NTM: variants seen among roughly 807,000 people sequenced by gnomAD.
The protein encoded by NTM is neurotrimin, also known as IgLON family member 2.
NTM carries 13 observed loss-of-function variants against 42.1 expected under a neutral mutation model. The ratio of observed to expected loss-of-function variants is 0.31; its 90% CI spans 0.20 to 0.49. The LOEUF (loss-of-function observed/expected upper bound fraction) is 0.49. Among genes scored for constraint, NTM ranks in the 20% least tolerant of loss-of-function variants. NTM has a pLI of 0.99. For missense variants in NTM, 373 were observed against 452.8 expected, an observed-to-expected ratio of 0.82 and a Z score of 1.60; for synonymous variants, 187 against 179.2, an observed-to-expected ratio of 1.04 and a Z score of -0.35.
chr11:132,061,638 C>A (rs1432843234), intron 2 of NTM, among the ~76,000 whole-genome samples: 1 of 152,136 alleles, frequency 6.6e-6, no homozygotes, highest in Non-Finnish European at 1.5e-5. Context: ...AATTTACACG[C>A]CTAACTTAGG....
chr11:131,427,962 C>G (rs1376911345), intron 1 of NTM, among the ~76,000 whole-genome samples: 1 of 152,114 alleles, frequency 6.6e-6, no homozygotes, highest in East Asian at 1.9e-4. Context: ...TTTTACATGT[C>G]GACATACCAT....
At chr11:131,549,916 C>T (rs576936363) in intron 1 of NTM, among the ~76,000 whole-genome samples, 24 of 152,328 alleles carry the variant, frequency 1.6e-4, no homozygotes, top group Non-Finnish European at 2.8e-4. Flanking sequence ...CCCGTGCCCA[C>T]GTGTGCATAT....
chr11:131,751,464 C>A (rs1252140150), intron 1 of NTM, among the ~76,000 whole-genome samples: 1 of 151,968 alleles, frequency 6.6e-6, no homozygotes, highest in Non-Finnish European at 1.5e-5. Flanking sequence ...GTGGCGGGCA[C>A]CTGTAGTCCC....
intron 1 of NTM, among the ~76,000 whole-genome samples, chr11:131,681,622 C>T (rs1379995105): frequency 7.3e-5 from 1 of 13,764 alleles, no homozygotes; most frequent in Non-Finnish European, 2.6e-4. Context: ...CGTATGTCTC[C>T]CTGTGTGTGT....
At chr11:131,676,478 C>T (rs547438015) in intron 1 of NTM, among the ~76,000 whole-genome samples, 5 of 152,044 alleles carry the variant, frequency 3.3e-5, no homozygotes, top group African/African-American at 4.8e-5. Context: ...CATGCGTGTG[C>T]GGGGGTATGC....
chr11:131,802,827 A>G (rs1460514387), intron 1 of NTM, among the ~76,000 whole-genome samples: 1 of 152,230 alleles, frequency 6.6e-6, no homozygotes, highest in Non-Finnish European at 1.5e-5. Flanking sequence ...CCCACTTTAT[A>G]CAATTGCCTC....
chr11:132,287,545 A>T (rs1241556388), intron 4 of NTM, among the ~76,000 whole-genome samples: 2 of 152,150 alleles, frequency 1.3e-5, no homozygotes, highest in Non-Finnish European at 2.9e-5. Context: ...GTTTATATTT[A>T]AAAAATGCTT....
At chr11:132,057,905 C>T (rs191471191) in intron 2 of NTM, among the ~76,000 whole-genome samples, 126 of 152,282 alleles carry the variant, frequency 8.3e-4, no homozygotes, top group Non-Finnish European at 1.5e-3. Flanking sequence ...TGACCTAAGA[C>T]CATTGCCCAG....
chr11:132,203,540 C>A (rs1486918757), intron 3 of NTM, among the ~76,000 whole-genome samples: 1 of 152,104 alleles, frequency 6.6e-6, no homozygotes, highest in African/African-American at 2.4e-5. Flanking sequence ...CCTTAGGGAT[C>A]TTCATGTATA....
chr11:132,164,762 G>A (rs2137704079), intron 3 of NTM, among the ~76,000 whole-genome samples: 1 of 152,212 alleles, frequency 6.6e-6, no homozygotes, highest in Admixed American at 6.5e-5. Flanking sequence ...GCTGATCACG[G>A]GTACATCTCT....
intron 4 of NTM, among the ~76,000 whole-genome samples, chr11:132,213,068 A>G (rs533863696): frequency 1.3e-5 from 2 of 152,312 alleles, no homozygotes; most frequent in South Asian, 2.1e-4. Context: ...CTCTGAAAAG[A>G]AGATATTTGT....
chr11:131,882,934 C>T (rs777119764), intron 1 of NTM, among the ~76,000 whole-genome samples: 6 of 151,888 alleles, frequency 4.0e-5, no homozygotes, highest in South Asian at 2.1e-4. Flanking sequence ...AGGAAAATAA[C>T]GAATGAATGG....
intron 4 of NTM, among the ~76,000 whole-genome samples, chr11:132,293,328 G>C (rs759027442): frequency 1.3e-5 from 2 of 152,076 alleles, no homozygotes; most frequent in Non-Finnish European, 2.9e-5. Flanking sequence ...AAATATGTGC[G>C]GTATTTAAAA....
rs774146196 is a variant in NTM, at chr11:131,389,024, A to AAAAAAAGAAAAG, written c.82+18140_82+18141insAAGAAAAGAAAA. 1.4e-3 allele frequency among the ~76,000 whole-genome samples: 127 copies of AAAAAAAGAAAAG among 89,900 alleles called. 1 individual carries two copies. Among genetic ancestry groups the AAAAAAAGAAAAG allele is most frequent in the African/African-American group, 4.1e-3 (88 of 21,626 alleles). 59.0% of individuals were successfully genotyped at this position (89,900 alleles called of 152,430 possible). ...CAAGACTTCATCACAAAAAAAAAAA[A>AAAAAAAGAAAAG]AAAAGAAAAGAAAAGAAAAGAAAAG... On this transcript the variant is annotated intron_variant, in intron 1 of 8. Transcript: ENST00000683400.
intron 2 of NTM, among the ~76,000 whole-genome samples, chr11:131,966,061 A>G (rs1160784254): frequency 1.3e-5 from 2 of 152,146 alleles, no homozygotes; most frequent in Non-Finnish European, 2.9e-5. Context: ...GGGTGATGGT[A>G]GGATGAAGAA....
chr11:131,477,388 C>T (rs150942195), intron 1 of NTM, among the ~76,000 whole-genome samples: 11 of 151,782 alleles, frequency 7.2e-5, no homozygotes, highest in Non-Finnish European at 1.3e-4. Flanking sequence ...TCTTCTACCC[C>T]ACTTCTGCAT....
chr11:131,774,314 T>C (rs2086619217), intron 1 of NTM, among the ~76,000 whole-genome samples: 1 of 152,224 alleles, frequency 6.6e-6, no homozygotes, highest in African/African-American at 2.4e-5. Flanking sequence ...TTGCTCCTCA[T>C]GTCTGTCTTC....
intron 1 of NTM, among the ~76,000 whole-genome samples, chr11:131,480,908 T>C (rs1953509215): frequency 6.6e-6 from 1 of 152,242 alleles, no homozygotes; most frequent in African/African-American, 2.4e-5. Flanking sequence ...CTGAAAAATA[T>C]TGTGGCCTTT....
chr11:132,241,231 A>G (rs1298143732), intron 4 of NTM, among the ~76,000 whole-genome samples: 1 of 152,232 alleles, frequency 6.6e-6, no homozygotes, highest in Non-Finnish European at 1.5e-5. Context: ...AACCTGTATT[A>G]GAAAAATTAA....
Sources: gnomAD v4.1 joint callset for allele counts (sites outside exome capture counted in the v4.1 genomes callset) on GRCh38, gnomAD v4.1.1 for gene constraint, MANE v1.5 for transcripts, NCBI Gene and HGNC (gene_info 2026-07-23, HGNC 2026-07-21) for gene names.